The following EIF4E3 variants were observed in gnomAD, a reference collection of about 807,000 sequenced individuals.
EIF4E3 encodes the protein eukaryotic translation initiation factor 4E family member 3.
A neutral mutation model predicts 31.7 loss-of-function variants in EIF4E3; 26 were observed. The ratio of observed to expected loss-of-function variants is 0.82; its 90% CI spans 0.60 to 1.14. The LOEUF (loss-of-function observed/expected upper bound fraction) is 1.14, where lower values mean the gene tolerates loss of function less well. EIF4E3 is among the 50% of genes most tolerant of loss of function. EIF4E3 has a pLI of 0.00. For missense variants in EIF4E3, 304 were observed against 270.9 expected (o/e 1.12, Z -0.86); for synonymous variants, 128 against 107.7 (o/e 1.19, Z -1.17).
At chr3:71,713,743 A>G (rs1245888920) in intron 1 of EIF4E3, among the ~76,000 whole-genome samples, 1 of 152,104 alleles carries the variant, frequency 6.6e-6, no homozygotes, top group Non-Finnish European at 1.5e-5. Context: ...AGGCCTGAAC[A>G]CCATTTTTAA....
chr3:71,678,472 A>T lies in EIF4E3; in HGVS notation c.*6210T>A, dbSNP rs2048890998. On this transcript the variant is annotated 3_prime_UTR_variant, in exon 7 of 7. Coordinates refer to ENST00000425534, the MANE Select transcript of EIF4E3 (RefSeq NM_001134651.2). ...CTACCTTTTCAAGTAAGAAAAGTAT[A>T]GTCTAGTCTTACCTTATTGCTGCAA... is the stretch of plus-strand genomic sequence containing the variant. 6.6e-6 allele frequency: 1 copy of T among 152,206 alleles called. No homozygotes were observed. Among genetic ancestry groups the T allele is most frequent in the South Asian group, 2.1e-4 (1 of 4,828 alleles). 9.4% of individuals were successfully genotyped at this position (152,206 alleles called of 1,614,324 possible).
At chr3:71,704,406 T>C (rs994331979) in intron 2 of EIF4E3, among the ~76,000 whole-genome samples, 1 of 152,150 alleles carries the variant, frequency 6.6e-6, no homozygotes, top group African/African-American at 2.4e-5. Flanking sequence ...AGGCCCTCAT[T>C]CCTACAGCGC....
At chr3:71,713,899 C>G (rs535198324) in intron 1 of EIF4E3, among the ~76,000 whole-genome samples, 1 of 152,158 alleles carries the variant, frequency 6.6e-6, no homozygotes, top group Non-Finnish European at 1.5e-5. Context: ...CCTGATGATA[C>G]TGATGTATTG....
At chr3:71,719,432 G>A (rs1348417452) in intron 1 of EIF4E3, among the ~76,000 whole-genome samples, 4 of 152,086 alleles carry the variant, frequency 2.6e-5, no homozygotes, top group Non-Finnish European at 4.4e-5. Flanking sequence ...TGATTCTGAT[G>A]GGCGGATGAG....
At chr3:71,673,573 G>A (rs1578322162), downstream of EIF4E3, among the ~76,000 whole-genome samples, 1 of 151,422 alleles carries the variant, frequency 6.6e-6, no homozygotes, top group South Asian at 2.1e-4. Context: ...CACCGCTTAT[G>A]ACAACATTCA....
intron 5 of EIF4E3, 45 bp downstream of exon 5, chr3:71,693,830 A>G (rs776505442): frequency 6.8e-7 from 1 of 1,471,238 alleles, no homozygotes; most frequent in South Asian, 1.3e-5. Flanking sequence ...AGCACAAGCC[A>G]GGAGCACACG....
At position 71,678,727 on chromosome 3, in the gene EIF4E3, A is replaced by C. The variant is rs2048892708; in HGVS notation, c.*5955T>G. On this transcript the variant is annotated 3_prime_UTR_variant, in exon 7 of 7. Transcript: ENST00000425534. Reference sequence around the variant, plus strand: ...CAACTGCACAGGGCACAGATGGTATAAAATAGGGGGGTGGGGGCACAAGCA... The same window carrying C: ...CAACTGCACAGGGCACAGATGGTATCAAATAGGGGGGTGGGGGCACAAGCA... The C allele has an allele frequency of 6.6e-6, 1 of 152,342 alleles. No homozygotes were observed. The highest frequency in any genetic ancestry group is 1.5e-5 in the Non-Finnish European group (1 of 68,190). The allele number at this position is 152,342 out of a possible 1,614,324, so 9.4% of individuals were successfully genotyped here.
upstream of EIF4E3, chr3:71,753,986 G>A: frequency 9.5e-7 from 1 of 1,056,488 alleles, no homozygotes; most frequent in Non-Finnish European, 1.1e-6. Context: ...GGGCCGGGCG[G>A]CCTGCGGGAG....
At chr3:71,706,332 G>A (rs1003307118) in intron 2 of EIF4E3, among the ~76,000 whole-genome samples, 5 of 152,140 alleles carry the variant, frequency 3.3e-5, no homozygotes, top group African/African-American at 1.2e-4. Context: ...AATAGACGGG[G>A]TAACGATTCC....
intron 3 of EIF4E3, 118 bp downstream of exon 3, chr3:71,699,496 T>C: frequency 2.2e-6 from 2 of 893,672 alleles, no homozygotes; most frequent in South Asian, 2.9e-5. Context: ...CCATGATTGG[T>C]ATCACAGACT....
At chr3:71,689,784 G>A (rs559149387) in intron 6 of EIF4E3, among the ~76,000 whole-genome samples, 20 of 149,970 alleles carry the variant, frequency 1.3e-4, no homozygotes, top group Admixed American at 8.6e-4. Context: ...TTGTTATTTC[G>A]TTTTCTGATC....
chr3:71,702,844 C>G (rs986802278), intron 2 of EIF4E3, among the ~76,000 whole-genome samples: 1 of 152,108 alleles, frequency 6.6e-6, no homozygotes, highest in African/African-American at 2.4e-5. Context: ...AGGAAGGAAT[C>G]TAGCATTACT....
At chr3:71,694,100 C>T (rs1317946379) in intron 4 of EIF4E3, among the ~76,000 whole-genome samples, 159 bp from the exon 5 acceptor site, 2 of 152,230 alleles carry the variant, frequency 1.3e-5, no homozygotes, top group Non-Finnish European at 2.9e-5. Flanking sequence ...TAGGTGCAAA[C>T]ACTTATCACC....
intron 1 of EIF4E3, among the ~76,000 whole-genome samples, chr3:71,739,105 A>G (rs1017898616): frequency 2.7e-5 from 4 of 150,588 alleles, no homozygotes; most frequent in Admixed American, 6.6e-5. Flanking sequence ...CAGCTAAAGC[A>G]CTACTGAGAG....
chr3:71,726,381 G>A (rs945239760), upstream of EIF4E3, among the ~76,000 whole-genome samples: 3 of 152,246 alleles, frequency 2.0e-5, no homozygotes, highest in South Asian at 4.1e-4. Context: ...AAAGTAGGAG[G>A]GGCCCTCCTA....
At chr3:71,721,484 T>C (rs1383870958) in intron 1 of EIF4E3, among the ~76,000 whole-genome samples, 3 of 152,102 alleles carry the variant, frequency 2.0e-5, no homozygotes, top group Non-Finnish European at 4.4e-5. Context: ...CCACCCAAAA[T>C]CTCATCTTGA....
In EIF4E3 at chr3:71,677,759, TTTTG is replaced by T. The variant is rs1482105488; in HGVS notation, c.*6919_*6922del. On this transcript the variant is annotated 3_prime_UTR_variant, in exon 7 of 7. Coordinates refer to ENST00000425534, the MANE Select transcript of EIF4E3 (RefSeq NM_001134651.2). ...AATGGAAGAAGAGTTTGTTGGTACG[TTTTG>T]TTTGTTTTTAAAGGAATATATTAGA... The T allele has an allele frequency of 1.3e-5, 2 of 152,080 alleles. No individual in the cohort carries two copies. Among genetic ancestry groups the T allele is most frequent in the Non-Finnish European group, 2.9e-5 (2 of 67,996 alleles). 9.4% of individuals were successfully genotyped at this position (152,080 alleles called of 1,614,324 possible). A position where few individuals can be genotyped will look rare whatever the true frequency, so the allele number is the denominator to read the frequency against.
chr3:71,733,470 T>G (rs894212269), intron 1 of EIF4E3, among the ~76,000 whole-genome samples: 1 of 152,244 alleles, frequency 6.6e-6, no homozygotes, highest in African/African-American at 2.4e-5. Flanking sequence ...GAAGCTTTAT[T>G]TTAAGCTGAA....
chr3:71,699,274 C>T (rs1335080386), intron 3 of EIF4E3, among the ~76,000 whole-genome samples: 1 of 152,058 alleles, frequency 6.6e-6, no homozygotes, highest in African/African-American at 2.4e-5. Flanking sequence ...AAAAACCCCA[C>T]AAAAACAAAT....
Sources: allele counts gnomAD v4.1 joint callset (sites outside exome capture counted in the v4.1 genomes callset), GRCh38; gene constraint gnomAD v4.1.1; transcripts MANE v1.5; gene names NCBI Gene and HGNC (gene_info 2026-07-23, HGNC 2026-07-21).